Variants in USF3 observed in about 807,000 individuals in gnomAD.
USF3 encodes upstream transcription factor family member 3, also known as basic helix-loop-helix domain-containing protein USF3.
In USF3, 29 loss-of-function variants were observed where a neutral mutation model predicts 157.5. The observed-to-expected ratio is 0.18, with a 90% CI of 0.14 to 0.25. The LOEUF (loss-of-function observed/expected upper bound fraction) is 0.25, where lower values mean the gene tolerates loss of function less well. Among genes scored for constraint, USF3 ranks in the 10% least tolerant of loss-of-function variants. The probability of loss-of-function intolerance (pLI) is 1.00; values close to 1 mark genes in which losing one functional copy is unlikely to be tolerated. For synonymous variants in USF3, 893 were observed against 941.4 expected, an observed-to-expected ratio of 0.95 and a Z score of 0.94; for missense variants, 2,381 against 2,667.6, an observed-to-expected ratio of 0.89 and a Z score of 2.37.
chr3:113,696,192 C>T (rs1274710506), intron 1 of USF3, among the ~76,000 whole-genome samples, 178 bp downstream of exon 1: 1 of 152,174 alleles, frequency 6.6e-6, no homozygotes, highest in Non-Finnish European at 1.5e-5. Context: ...TGACGCCCCA[C>T]CAGGTGCCGC....
intron 5 of USF3, among the ~76,000 whole-genome samples, chr3:113,666,015 T>G (rs1947559761): frequency 6.6e-6 from 1 of 151,554 alleles, no homozygotes; most frequent in African/African-American, 2.4e-5. Flanking sequence ...AGAAACCCCG[T>G]CTCTACTAAA....
At position 113,652,299 on chromosome 3, in the gene USF3, A is replaced by T. The variant is rs1947277938; in HGVS notation, c.*2645T>A. 6.6e-6 allele frequency: 1 copy of T among 152,120 alleles called. No homozygotes were observed. Among genetic ancestry groups the T allele is most frequent in the Non-Finnish European group, 1.5e-5 (1 of 68,004 alleles). 9.4% of individuals were successfully genotyped at this position (152,120 alleles called of 1,614,324 possible). ...GAAAAATTTGAACGTTGCAGCTTAAAATTCAGTTAAGAGAATTAAAAAGCA... is the reference window on the plus strand; with the variant it reads ...GAAAAATTTGAACGTTGCAGCTTAATATTCAGTTAAGAGAATTAAAAAGCA... On this transcript the variant is annotated 3_prime_UTR_variant, in exon 7 of 7. Transcript: ENST00000316407.
intron 1 of USF3, among the ~76,000 whole-genome samples, chr3:113,688,600 A>G (rs1019760076): frequency 2.6e-5 from 4 of 152,206 alleles, no homozygotes; most frequent in African/African-American, 9.6e-5. Context: ...TCATTCACCA[A>G]TGTATTCTAA....
chr3:113,660,596 A>G lies in USF3; in HGVS notation c.1086T>C (p.Ser362=). 2 of 1,614,134 alleles carry G rather than the reference A, an allele frequency of 1.2e-6. No individual in the cohort carries two copies. Among genetic ancestry groups the G allele is most frequent in the Non-Finnish European group, 1.7e-6 (2 of 1,180,024 alleles). The change falls in exon 7 of 7, where the codon AGT becomes AGC. Residue 362 remains serine, a synonymous_variant. Transcript: ENST00000316407. ...CTGTAGCTGTACTTGTCAAGTCTGC[A>G]CTCTTACTAATGCTCATTGGAGAAG... The part of the protein sequence containing the change: ...GDSSPMSISK[S]ADLTSTATVV...
In USF3 at chr3:113,660,587, C is replaced by T; in HGVS notation, c.1095G>A (p.Leu365=). 1 of 1,614,196 alleles carries T rather than the reference C, an allele frequency of 6.2e-7. No homozygotes were observed. The highest frequency in any genetic ancestry group is 8.5e-7 in the Non-Finnish European group (1 of 1,180,040). The change falls in exon 7 of 7, where the codon TTG becomes TTA. Residue 365 remains leucine (L), a synonymous_variant. Coordinates refer to ENST00000316407, the MANE Select transcript of USF3 (RefSeq NM_001009899.4). ...SPMSISKSAD[L]TSTATVVASS... ...ATGCCACCACTGTAGCTGTACTTGTCAAGTCTGCACTCTTACTAATGCTCA... is the reference window on the plus strand; with the variant it reads ...ATGCCACCACTGTAGCTGTACTTGTTAAGTCTGCACTCTTACTAATGCTCA...
At chr3:113,689,621 C>T (rs969951408) in intron 1 of USF3, among the ~76,000 whole-genome samples, 1 of 152,178 alleles carries the variant, frequency 6.6e-6, no homozygotes, top group Non-Finnish European at 1.5e-5. Flanking sequence ...GAATTTACTG[C>T]CTTTTCTGCC....
At position 113,651,599 on chromosome 3, in the gene USF3, T is replaced by C. The variant is rs1014743635; in HGVS notation, c.*3345A>G. The C allele has an allele frequency of 1.3e-5, 2 of 152,240 alleles. No individual in the cohort carries two copies. Among genetic ancestry groups the C allele is most frequent in the Non-Finnish European group, 2.9e-5 (2 of 68,038 alleles). The allele number at this position is 152,240 out of a possible 1,614,324, so 9.4% of individuals were successfully genotyped here. A position where few individuals can be genotyped will look rare whatever the true frequency, so the allele number is the denominator to read the frequency against. On this transcript the variant is annotated 3_prime_UTR_variant, in exon 7 of 7. Coordinates refer to ENST00000316407, the MANE Select transcript of USF3 (RefSeq NM_001009899.4). ...ATCCAAATTAACACTACATACCATA[T>C]AACAAATTTCTTCCCAAAAATCACG... is the stretch of plus-strand genomic sequence containing the variant.
intron 4 of USF3, 43 bp from the exon 5 acceptor site, chr3:113,670,246 G>T: frequency 1.8e-6 from 2 of 1,124,468 alleles, no homozygotes; most frequent in Non-Finnish European, 2.7e-6. Flanking sequence ...ACACTACTTA[G>T]TCAAAGTGCC....
At chr3:113,679,038 T>C (rs1707349249) in intron 1 of USF3, among the ~76,000 whole-genome samples, 1 of 151,508 alleles carries the variant, frequency 6.6e-6, no homozygotes, top group South Asian at 2.1e-4. Context: ...TCTCTCTCTC[T>C]CTCCAACTCC....
chr3:113,648,717 T>C lies in USF3; in HGVS notation c.*6227A>G, dbSNP rs1294456712. Reference sequence around the variant, plus strand: ...ATAGGACACAGTGTGCAGCAGACACTGCTGCCATGGTAATAGATACAAATA... The same window carrying C: ...ATAGGACACAGTGTGCAGCAGACACCGCTGCCATGGTAATAGATACAAATA... On this transcript the variant is annotated 3_prime_UTR_variant, in exon 7 of 7. Coordinates refer to ENST00000316407, the MANE Select transcript of USF3 (RefSeq NM_001009899.4). 2.6e-5 allele frequency: 4 copies of C among 152,616 alleles called. No individual in the cohort carries two copies. Among genetic ancestry groups the C allele is most frequent in the African/African-American group, 9.6e-5 (4 of 41,452 alleles). 9.5% of individuals were successfully genotyped at this position (152,616 alleles called of 1,614,324 possible).
In USF3 at chr3:113,660,675, A is replaced by G. The variant is rs1947467275; in HGVS notation, c.1007T>C (p.Val336Ala). 6.8e-6 allele frequency: 11 copies of G among 1,614,172 alleles called. No individual in the cohort carries two copies. The highest frequency in any genetic ancestry group is 9.3e-6 in the Non-Finnish European group (11 of 1,180,028). The change falls in exon 7 of 7, where the codon GTT becomes GCT. Residue 336 changes from valine (V) to alanine (A), a missense_variant. Coordinates refer to ENST00000316407, the MANE Select transcript of USF3 (RefSeq NM_001009899.4). ...DFRGDFQNTFVVSVTTTVCSQ... is the reference protein window; with the variant it reads ...DFRGDFQNTFAVSVTTTVCSQ... ...GCAGACTGTGGTGGTAACTGAAACA[A>G]CAAAAGTGTTTTGAAAATCACCTCT...
chr3:113,682,250 G>A (rs554249557), intron 1 of USF3, among the ~76,000 whole-genome samples: 1 of 152,208 alleles, frequency 6.6e-6, no homozygotes, highest in Non-Finnish European at 1.5e-5. Flanking sequence ...ACTTGAGCCT[G>A]GGAAGTTGAG....
Position 113,656,975 on chromosome 3 carries a change from GTGTTGCTGCATT to G in USF3, c.4695_4706del (p.Gln1565_Gln1568del), listed in dbSNP as rs1559705761. 2 of 1,614,218 alleles carry G rather than the reference GTGTTGCTGCATT, an allele frequency of 1.2e-6. No homozygotes were observed. The highest frequency in any genetic ancestry group is 2.2e-5 in the East Asian group (1 of 44,884). On this transcript the variant is annotated inframe_deletion, in exon 7 of 7. Coordinates refer to ENST00000316407, the MANE Select transcript of USF3 (RefSeq NM_001009899.4). ...TCTTCTCTGTCTGGGAGCTTCCAAAGTGTTGCTGCATTTGTTGCTGCATCTGCTGATGGTGGG... is the reference window on the plus strand; with the variant it reads ...TCTTCTCTGTCTGGGAGCTTCCAAAGTGTTGCTGCATCTGCTGATGGTGGG...
chr3:113,689,149 G>C (rs1253323971), intron 1 of USF3, among the ~76,000 whole-genome samples: 1 of 152,238 alleles, frequency 6.6e-6, no homozygotes, highest in African/African-American at 2.4e-5. Context: ...TTTGATGTCA[G>C]ACTTGGGATC....
chr3:113,664,857 G>C (rs1453497904), intron 5 of USF3, among the ~76,000 whole-genome samples: 1 of 152,200 alleles, frequency 6.6e-6, no homozygotes, highest in Non-Finnish European at 1.5e-5. Flanking sequence ...GAGCCCTCAT[G>C]ATGGGATTAG....
chr3:113,693,696 C>CTT (rs1707739163), intron 1 of USF3, among the ~76,000 whole-genome samples: 1 of 152,216 alleles, frequency 6.6e-6, no homozygotes, highest in African/African-American at 2.4e-5. Context: ...TAAACTGCCA[C>CTT]ATACCGTAAG....
chr3:113,691,387 A>G (rs1209436123), intron 1 of USF3, among the ~76,000 whole-genome samples: 1 of 152,108 alleles, frequency 6.6e-6, no homozygotes, highest in Admixed American at 6.5e-5. Flanking sequence ...CCTGACTTTT[A>G]TTCCTAAAAC....
Position 113,674,888 on chromosome 3 carries a change from A to G in USF3, c.-10T>C. On this transcript the variant is annotated 5_prime_UTR_variant, in exon 3 of 7. Transcript: ENST00000316407. ...CTGTCATTTCTGGCATGGTTACAGT[A>G]ATAGGAACCTACAGAAGGATAGAAA... is the stretch of plus-strand genomic sequence containing the variant. 6.2e-7 allele frequency: 1 copy of G among 1,608,436 alleles called. No individual in the cohort carries two copies. Among genetic ancestry groups the G allele is most frequent in the Non-Finnish European group, 8.5e-7 (1 of 1,174,840 alleles).
intron 1 of USF3, among the ~76,000 whole-genome samples, chr3:113,688,353 C>T (rs1577054256): frequency 2.0e-5 from 3 of 152,254 alleles, no homozygotes; most frequent in Non-Finnish European, 2.9e-5. Context: ...TTCCTGACCT[C>T]GTGATCCCCC....
Sources: allele counts gnomAD v4.1 joint callset (sites outside exome capture counted in the v4.1 genomes callset), GRCh38; gene constraint gnomAD v4.1.1; transcripts MANE v1.5; gene names NCBI Gene and HGNC (gene_info 2026-07-23, HGNC 2026-07-21).